Variants in PTPRK observed in about 807,000 individuals in gnomAD.
PTPRK encodes protein tyrosine phosphatase receptor type K, also known as receptor-type tyrosine-protein phosphatase kappa.
PTPRK carries 75 observed loss-of-function variants against 178.0 expected under a neutral mutation model. The observed-to-expected ratio is 0.42, with a 90% CI of 0.35 to 0.51. The LOEUF is 0.51. PTPRK is among the 20% of genes least tolerant of loss of function. PTPRK has a pLI of 0.02. For synonymous variants in PTPRK, 637 were observed against 620.6 expected, an observed-to-expected ratio of 1.03 and a Z score of -0.39; for missense variants, 1,441 against 1,797.8, an observed-to-expected ratio of 0.80 and a Z score of 3.59.
chr6:128,006,262 T>C (rs1451949668), intron 14 of PTPRK, among the ~76,000 whole-genome samples: 3 of 151,164 alleles, frequency 2.0e-5, no homozygotes, highest in Non-Finnish European at 4.5e-5. Context: ...ATATGCAATA[T>C]AAAAATAAAA....
Position 128,482,449 on chromosome 6 carries a change from G to T in PTPRK, c.100+37810C>A, listed in dbSNP as rs565458490. On this transcript the variant is annotated intron_variant, in intron 1 of 29. Transcript: ENST00000368226. ...GAGACATGGGAGGAAAAGGGGTGGA[G>T]AAAGAAAAGAAGGACTAGAAACAGA... Among the ~76,000 whole-genome samples, 12 of 152,200 alleles carry T rather than the reference G, an allele frequency of 7.9e-5. No individual in the cohort carries two copies. In the South Asian group the frequency reaches 2.5e-3, roughly 32 times the overall value.
chr6:128,157,070 CA>C (rs1427908987), intron 7 of PTPRK, among the ~76,000 whole-genome samples: 1 of 151,946 alleles, frequency 6.6e-6, no homozygotes, highest in Non-Finnish European at 1.5e-5. Flanking sequence ...CTCTGAAAAC[CA>C]AAAGTTTATT....
chr6:128,289,212 T>A (rs530993667), intron 3 of PTPRK, among the ~76,000 whole-genome samples: 1 of 152,180 alleles, frequency 6.6e-6, no homozygotes, highest in Non-Finnish European at 1.5e-5. Flanking sequence ...TTAAAGACTC[T>A]GACATTATAA....
chr6:128,078,933 A>T lies in PTPRK; in HGVS notation c.1778-15T>A. 1 of 1,532,778 alleles carries T rather than the reference A, an allele frequency of 6.5e-7. No individual in the cohort carries two copies. Among genetic ancestry groups the T allele is most frequent in the Non-Finnish European group, 9.0e-7 (1 of 1,107,030 alleles). The allele number at this position is 1,532,778 out of a possible 1,614,324, so 94.9% of individuals were successfully genotyped here. On this transcript the variant is annotated splice_polypyrimidine_tract_variant and intron_variant, in intron 10 of 29. Transcript: ENST00000368226. The stretch of plus-strand genomic sequence containing the variant: ...TAAAGTTGGAGCTGATGAGTGATTA[A>T]TGAGATAAAAAAGGTTCAATTAATT...
intron 7 of PTPRK, among the ~76,000 whole-genome samples, chr6:128,119,040 T>G (rs1792021619): frequency 6.6e-6 from 1 of 152,158 alleles, no homozygotes; most frequent in Non-Finnish European, 1.5e-5. Context: ...ATAAATCAGC[T>G]GTTTCTGAAA....
intron 5 of PTPRK, among the ~76,000 whole-genome samples, chr6:128,231,654 A>T (rs1812321889): frequency 6.6e-6 from 1 of 152,218 alleles, no homozygotes; most frequent in Non-Finnish European, 1.5e-5. Flanking sequence ...TAAAGCTAGA[A>T]AGAGTCAAAA....
chr6:128,365,117 C>T (rs1244305329), intron 2 of PTPRK, among the ~76,000 whole-genome samples: 1 of 152,010 alleles, frequency 6.6e-6, no homozygotes, highest in Non-Finnish European at 1.5e-5. Context: ...GTGATTCAAC[C>T]TCTTCTGATT....
chr6:128,388,444 G>C (rs1839084042), intron 2 of PTPRK, among the ~76,000 whole-genome samples: 1 of 152,162 alleles, frequency 6.6e-6, no homozygotes, highest in Admixed American at 6.5e-5. Flanking sequence ...TTATGCGAAA[G>C]TAGCCTTCCT....
chr6:128,030,251 AT>A (rs1235272389), intron 13 of PTPRK, among the ~76,000 whole-genome samples: 2 of 152,192 alleles, frequency 1.3e-5, no homozygotes, highest in Non-Finnish European at 2.9e-5. Flanking sequence ...GAAACTGGGC[AT>A]TTTACAGGCT....
chr6:128,036,728 G>T (rs1319539734), intron 13 of PTPRK, among the ~76,000 whole-genome samples: 10 of 147,374 alleles, frequency 6.8e-5, no homozygotes, highest in Admixed American at 1.3e-4. Context: ...ATTTCTTTCC[G>T]TCTCCTCCCT....
In PTPRK at chr6:127,996,940, G is replaced by T; in HGVS notation, c.2728C>A (p.Gln910Lys). The T allele has an allele frequency of 6.2e-7, 1 of 1,611,560 alleles. No individual in the cohort carries two copies. The highest frequency in any genetic ancestry group is 1.1e-5 in the South Asian group (1 of 90,790). Residue 910 changes from glutamine (Q) to lysine (K), a missense_variant, in exon 17 of 30, where the codon CAA (glutamine) becomes AAA (lysine). Coordinates refer to ENST00000368226, the MANE Select transcript of PTPRK (RefSeq NM_002844.4). Reference sequence around the variant, plus strand: ...CCATATCGGTTTTTTGCTCTATTTTGATCTTTTTTAGCTACATCCCAAGAT... The same window carrying T: ...CCATATCGGTTTTTTGCTCTATTTTTATCTTTTTTAGCTACATCCCAAGAT... The part of the protein sequence containing the change: ...SASWDVAKKD[Q>K]NRAKNRYGNI...
chr6:128,383,436 T>TA (rs1838236434), intron 2 of PTPRK, among the ~76,000 whole-genome samples: 1 of 152,164 alleles, frequency 6.6e-6, no homozygotes, highest in Non-Finnish European at 1.5e-5. Flanking sequence ...TCATCTACGT[T>TA]AAAAAGCTTC....
chr6:128,518,461 C>T (rs1268733238), intron 1 of PTPRK, among the ~76,000 whole-genome samples: 1 of 152,190 alleles, frequency 6.6e-6, no homozygotes, highest in Non-Finnish European at 1.5e-5. Context: ...ATATCCATCG[C>T]TGTTGAGACA....
chr6:128,358,814 C>T (rs1426773155), intron 2 of PTPRK, among the ~76,000 whole-genome samples: 2 of 152,194 alleles, frequency 1.3e-5, no homozygotes, highest in Admixed American at 6.5e-5. Flanking sequence ...AAATGAAAGG[C>T]TTGCTTCAAT....
rs1794700287 is a variant in PTPRK, at chr6:128,134,319, C to T, written c.1163-44327G>A. 1.3e-5 allele frequency among the ~76,000 whole-genome samples: 2 copies of T among 152,078 alleles called. 1 individual carries two copies. Among genetic ancestry groups the T allele is most frequent in the South Asian group, 4.1e-4 (2 of 4,826 alleles). The stretch of plus-strand genomic sequence containing the variant: ...ATTCTACTGATGATATAAAAATGAT[C>T]TTTTCTAGAGAGATTTGTTAAACAT... On this transcript the variant is annotated intron_variant, in intron 7 of 29. Transcript: ENST00000368226.
chr6:128,063,022 A>T (rs1325873356), intron 13 of PTPRK, among the ~76,000 whole-genome samples: 1 of 151,934 alleles, frequency 6.6e-6, no homozygotes, highest in Admixed American at 6.6e-5. Flanking sequence ...AGGTGTAGGT[A>T]CTCTATTATT....
chr6:128,233,787 C>A (rs188663251), intron 5 of PTPRK, among the ~76,000 whole-genome samples: 120 of 152,280 alleles, frequency 7.9e-4, no homozygotes, highest in African/African-American at 2.8e-3. Flanking sequence ...GATTACCAGT[C>A]ACACATTAAA....
chr6:128,205,777 C>CAAAAAAAAAAAAAA (rs57003128), intron 6 of PTPRK, among the ~76,000 whole-genome samples: 1 of 15,222 alleles, frequency 6.6e-5, no homozygotes. Context: ...CATCACAGAC[C>CAAAAAAAAAAAAAA]AAAAAAAAAA....
At chr6:128,422,281 C>A (rs375269711) in intron 1 of PTPRK, among the ~76,000 whole-genome samples, 12 of 152,272 alleles carry the variant, frequency 7.9e-5, no homozygotes, top group African/African-American at 2.9e-4. Context: ...CTCTCCCCCA[C>A]CTTCTCCCAA....
Sources: allele counts gnomAD v4.1 joint callset (sites outside exome capture counted in the v4.1 genomes callset), GRCh38; gene constraint gnomAD v4.1.1; transcripts MANE v1.5; gene names NCBI Gene and HGNC (gene_info 2026-07-23, HGNC 2026-07-21).